Variants in MYO5B observed in about 807,000 individuals in gnomAD.
The protein encoded by MYO5B is myosin VB, also known as unconventional myosin-Vb.
MYO5B carries 143 observed loss-of-function variants against 229.3 expected under a neutral mutation model. That is an observed-to-expected ratio of 0.62 (90% CI 0.54 to 0.72). The LOEUF is 0.72. Ranked by LOEUF, MYO5B falls within the 30% of genes least tolerant of loss-of-function variation. The pLI is 0.00. For synonymous variants in MYO5B, 918 were observed against 885.2 expected, an observed-to-expected ratio of 1.04 and a Z score of -0.66; for missense variants, 2,321 against 2,331.0, an observed-to-expected ratio of 1.00 and a Z score of 0.09.
intron 12 of MYO5B, among the ~76,000 whole-genome samples, chr18:49,960,265 T>C (rs184284366): frequency 6.6e-6 from 1 of 152,318 alleles, no homozygotes; most frequent in African/African-American, 2.4e-5. Flanking sequence ...AACTCAACTG[T>C]TCACAGTGCA....
At chr18:50,055,859 C>T (rs922050209) in intron 1 of MYO5B, among the ~76,000 whole-genome samples, 2 of 152,184 alleles carry the variant, frequency 1.3e-5, no homozygotes, top group Admixed American at 6.5e-5. Context: ...AGAAAGTGGT[C>T]GGCAAATGGA....
At chr18:49,833,816 C>T (rs1285899407) in intron 39 of MYO5B, among the ~76,000 whole-genome samples, 1 of 152,220 alleles carries the variant, frequency 6.6e-6, no homozygotes, top group Non-Finnish European at 1.5e-5. Context: ...TCCCATTCAG[C>T]AGCTGACTAT....
intron 39 of MYO5B, among the ~76,000 whole-genome samples, chr18:49,833,401 T>A (rs756634233): frequency 1.7e-4 from 26 of 152,214 alleles, no homozygotes; most frequent in Non-Finnish European, 3.1e-4. Context: ...CACCATTTCT[T>A]CTGAGCATTG....
rs142544225 is a variant in MYO5B, at chr18:50,168,371, T to C, written c.27+26396A>G. The stretch of plus-strand genomic sequence containing the variant: ...GCAGTTCCAGAAGACTCAGGAAAGA[T>C]AGTTCTGACACCTGGCATTCTAGAA... On this transcript the variant is annotated intron_variant, in intron 1 of 39. Transcript: ENST00000285039. 3.6e-3 allele frequency among the ~76,000 whole-genome samples: 543 copies of C among 152,344 alleles called. 6 individuals are homozygous for C. Among genetic ancestry groups the C allele is most frequent in the African/African-American group, 0.012 (501 of 41,574 alleles).
intron 1 of MYO5B, among the ~76,000 whole-genome samples, chr18:50,146,398 C>T (rs1458577280): frequency 2.6e-5 from 4 of 152,196 alleles, no homozygotes; most frequent in African/African-American, 9.7e-5. Context: ...AGGAGCCTTC[C>T]CTCAAGATGA....
At position 49,973,999 on chromosome 18, in the gene MYO5B, T is replaced by C. The variant is rs140066759; in HGVS notation, c.1322+351A>G. On this transcript the variant is annotated intron_variant, in intron 10 of 39. Coordinates refer to ENST00000285039, the MANE Select transcript of MYO5B (RefSeq NM_001080467.3). ...ATACAGAACTTGAATTTAAGTTCCA[T>C]TTCTCACAGTAACTTGCAAAATCAC... Among the ~76,000 whole-genome samples the C allele has an allele frequency of 2.7e-3, 408 of 152,350 alleles. 6 individuals are homozygous for C. The highest frequency in any genetic ancestry group is 9.1e-3 in the African/African-American group (378 of 41,576).
At chr18:49,893,324 T>C (rs1306282142) in intron 22 of MYO5B, among the ~76,000 whole-genome samples, 8 of 152,216 alleles carry the variant, frequency 5.3e-5, no homozygotes, top group Admixed American at 5.2e-4. Flanking sequence ...TCTCAGGAGT[T>C]TCCAGTTCTA....
chr18:50,072,787 A>G (rs745632971), intron 1 of MYO5B, among the ~76,000 whole-genome samples: 1 of 152,110 alleles, frequency 6.6e-6, no homozygotes, highest in Non-Finnish European at 1.5e-5. Flanking sequence ...GAGTGGAACC[A>G]GCTCACCGAG....
At chr18:49,992,576 A>C in intron 5 of MYO5B, 145 bp from the exon 6 acceptor site, 1 of 1,235,624 alleles carries the variant, frequency 8.1e-7, no homozygotes, top group East Asian at 2.4e-5. Flanking sequence ...AACTGAGCTA[A>C]AGAATAAAAC....
chr18:50,027,413 C>T (rs1268985855), intron 4 of MYO5B, among the ~76,000 whole-genome samples: 7 of 152,154 alleles, frequency 4.6e-5, no homozygotes, highest in African/African-American at 1.7e-4. Context: ...TTATGCCTTA[C>T]AGTGACCTGA....
chr18:50,058,231 C>T (rs569026449), intron 1 of MYO5B, among the ~76,000 whole-genome samples: 59 of 152,176 alleles, frequency 3.9e-4, no homozygotes, highest in African/African-American at 1.3e-3. Context: ...CTTTGGGAGC[C>T]GAGGCAGGTA....
intron 10 of MYO5B, among the ~76,000 whole-genome samples, chr18:49,972,442 T>C (rs1464660547): frequency 1.3e-5 from 2 of 152,082 alleles, no homozygotes; most frequent in Non-Finnish European, 2.9e-5. Context: ...TAAGATGATA[T>C]AGAAATACAA....
At chr18:49,913,945 G>A (rs965774397) in intron 17 of MYO5B, among the ~76,000 whole-genome samples, 9 of 145,320 alleles carry the variant, frequency 6.2e-5, no homozygotes, top group Non-Finnish European at 1.1e-4. Context: ...CAAACTCCAG[G>A]GGAAGATCAT....
chr18:50,019,968 G>T (rs1243093440), intron 4 of MYO5B, among the ~76,000 whole-genome samples: 1 of 152,086 alleles, frequency 6.6e-6, no homozygotes, highest in Non-Finnish European at 1.5e-5. Flanking sequence ...CCAGGGCATG[G>T]TTGATGAGTC....
chr18:49,872,250 C>T lies in MYO5B; in HGVS notation c.3538-18G>A, dbSNP rs748931942. On this transcript the variant is annotated intron_variant, in intron 26 of 39. Coordinates refer to ENST00000285039, the MANE Select transcript of MYO5B (RefSeq NM_001080467.3). ...GGTTCCGCCTGCATGGATAGAGACA[C>T]AAAGATAAGTGCAGACCTCGAGCAA... 6 of 1,613,350 alleles carry T rather than the reference C, an allele frequency of 3.7e-6. No homozygotes were observed. Among genetic ancestry groups the T allele is most frequent in the South Asian group, 1.1e-5 (1 of 91,064 alleles).
intron 37 of MYO5B, 98 bp from the exon 38 acceptor site, chr18:49,836,983 G>T: frequency 8.5e-7 from 1 of 1,172,272 alleles, no homozygotes; most frequent in Non-Finnish European, 1.2e-6. Flanking sequence ...TGCAGCTAGT[G>T]CCATTATTTA....
chr18:49,850,209 G>C, intron 31 of MYO5B: 1 of 186,432 alleles, frequency 5.4e-6, no homozygotes, highest in Non-Finnish European at 1.1e-5. Context: ...TGAGGGAGGA[G>C]TTTGCTGTCA....
intron 9 of MYO5B, among the ~76,000 whole-genome samples, chr18:49,978,808 C>G (rs2025783034): frequency 6.6e-6 from 1 of 151,640 alleles, no homozygotes. Context: ...CTGTGAAGGG[C>G]CTGGGGAGGA....
intron 2 of MYO5B, among the ~76,000 whole-genome samples, chr18:50,042,078 G>A (rs1435213979): frequency 6.6e-6 from 1 of 152,208 alleles, no homozygotes; most frequent in African/African-American, 2.4e-5. Flanking sequence ...TAACAAGGAA[G>A]AGGGCAGACA....
Sources: allele counts gnomAD v4.1 joint callset (sites outside exome capture counted in the v4.1 genomes callset), GRCh38; gene constraint gnomAD v4.1.1; transcripts MANE v1.5; gene names NCBI Gene and HGNC (gene_info 2026-07-23, HGNC 2026-07-21).